NKAIN2: variants seen among roughly 807,000 people sequenced by gnomAD.
NKAIN2 encodes the protein sodium/potassium transporting ATPase interacting 2.
In NKAIN2, 14 loss-of-function variants were observed where a neutral mutation model predicts 32.6. The observed-to-expected ratio is 0.43, with a 90% CI of 0.28 to 0.67. NKAIN2 has a LOEUF of 0.67. NKAIN2 is among the 30% of genes least tolerant of loss of function. NKAIN2 has a pLI of 0.17. For synonymous variants in NKAIN2, 80 were observed against 87.2 expected (o/e 0.92, Z 0.46); for missense variants, 198 against 258.3 (o/e 0.77, Z 1.60).
chr6:123,988,200 T>C (rs760991194), intron 1 of NKAIN2, among the ~76,000 whole-genome samples: 36 of 152,330 alleles, frequency 2.4e-4, no homozygotes, highest in Admixed American at 7.2e-4. Flanking sequence ...ACCTTTTGCA[T>C]ATGACTTTTG....
intron 3 of NKAIN2, among the ~76,000 whole-genome samples, chr6:124,439,320 C>T (rs73578479): frequency 0.015 from 2,235 of 151,760 alleles, 52 homozygotes; most frequent in African/African-American, 0.05. Context: ...ATTTCACCTG[C>T]TAAATATCTC....
intron 3 of NKAIN2, among the ~76,000 whole-genome samples, chr6:124,414,427 A>G (rs567520976): frequency 2.6e-5 from 4 of 152,228 alleles, no homozygotes; most frequent in South Asian, 2.1e-4. Flanking sequence ...TAGAATTGCT[A>G]TATCTATGTT....
intron 1 of NKAIN2, among the ~76,000 whole-genome samples, chr6:124,208,925 G>T (rs1241656533): frequency 6.6e-6 from 1 of 150,864 alleles, no homozygotes; most frequent in Non-Finnish European, 1.5e-5. Context: ...AAGTACTTGG[G>T]GTATCCATCA....
At position 124,367,455 on chromosome 6, in the gene NKAIN2, A is replaced by T. The variant is rs78473429; in HGVS notation, c.273+12108A>T. Among the ~76,000 whole-genome samples, 59 of 152,262 alleles carry T rather than the reference A, an allele frequency of 3.9e-4. 1 individual carries two copies. The East Asian group carries it at 8.1e-3, about 21-fold the overall frequency. ...AATGAGGTCTACATCTCTCACGTCG[A>T]TTCCAGCACTCTGTGGTGGTAGCAA... is the stretch of plus-strand genomic sequence containing the variant. On this transcript the variant is annotated intron_variant, in intron 3 of 6. Transcript: ENST00000368417.
intron 1 of NKAIN2, among the ~76,000 whole-genome samples, chr6:123,905,271 T>A (rs922937006): frequency 2.0e-5 from 3 of 151,978 alleles, no homozygotes; most frequent in African/African-American, 7.3e-5. Flanking sequence ...CCAAGTGCTT[T>A]GGGGTTGACA....
intron 1 of NKAIN2, among the ~76,000 whole-genome samples, chr6:124,242,880 G>T (rs1270041101): frequency 6.7e-6 from 1 of 150,084 alleles, no homozygotes; most frequent in Non-Finnish European, 1.5e-5. Flanking sequence ...TCACACGGGG[G>T]CATGTCAGGG....
intron 1 of NKAIN2, among the ~76,000 whole-genome samples, chr6:124,167,705 T>G (rs1788631510): frequency 6.6e-6 from 1 of 152,204 alleles, no homozygotes; most frequent in South Asian, 2.1e-4. Context: ...CAGTACCTAA[T>G]TTATTGAGAG....
chr6:124,354,756 A>G (rs1414451728), intron 2 of NKAIN2, among the ~76,000 whole-genome samples: 2 of 151,660 alleles, frequency 1.3e-5, no homozygotes, highest in Admixed American at 1.3e-4. Context: ...TAAAACAATA[A>G]TGTGGATTAC....
chr6:124,491,333 G>GT (rs1777857398), intron 3 of NKAIN2, among the ~76,000 whole-genome samples: 1 of 151,772 alleles, frequency 6.6e-6, no homozygotes, highest in African/African-American at 2.4e-5. Flanking sequence ...TAAGTTCTTT[G>GT]TTTTGTCCTT....
In NKAIN2 at chr6:124,120,667, T is replaced by C. The variant is rs73566068; in HGVS notation, c.55-162338T>C. ...TTGGAAACATATGCTCTAAATTATA[T>C]CTAAATTAGATTGATCTTGGACCGT... On this transcript the variant is annotated intron_variant, in intron 1 of 6. Transcript: ENST00000368417. Among the ~76,000 whole-genome samples the C allele has an allele frequency of 5.0e-3, 761 of 152,282 alleles. 2 individuals are homozygous for C. The highest frequency in any genetic ancestry group is 0.017 in the African/African-American group (711 of 41,578).
chr6:124,390,935 A>C (rs1773115789), intron 3 of NKAIN2: 1 of 152,126 alleles, frequency 6.6e-6, no homozygotes, highest in Admixed American at 6.6e-5. Context: ...GAAAGAGAAA[A>C]AAAAAAGAGA....
At chr6:124,327,120 C>T (rs1486606855) in intron 2 of NKAIN2, among the ~76,000 whole-genome samples, 3 of 151,808 alleles carry the variant, frequency 2.0e-5, no homozygotes, top group Non-Finnish European at 4.4e-5. Flanking sequence ...GGTTTGGCCA[C>T]ACCCACCCAT....
chr6:124,287,325 TA>T (rs1287405069), intron 2 of NKAIN2, among the ~76,000 whole-genome samples: 2 of 152,206 alleles, frequency 1.3e-5, no homozygotes, highest in Non-Finnish European at 2.9e-5. Context: ...ACATTTTATT[TA>T]ATTGATCTTG....
intron 1 of NKAIN2, among the ~76,000 whole-genome samples, chr6:124,021,167 G>A (rs745908373): frequency 1.1e-4 from 17 of 151,834 alleles, no homozygotes; most frequent in Non-Finnish European, 2.1e-4. Flanking sequence ...TTCAACACAG[G>A]GAAGCATTAT....
chr6:124,698,561 G>T (rs1414494499), intron 4 of NKAIN2, among the ~76,000 whole-genome samples: 1 of 152,142 alleles, frequency 6.6e-6, no homozygotes. Context: ...AAGTAGGCAG[G>T]CAGTGTATCT....
At chr6:124,415,722 A>G (rs2114514763) in intron 3 of NKAIN2, among the ~76,000 whole-genome samples, 1 of 152,142 alleles carries the variant, frequency 6.6e-6, no homozygotes, top group Admixed American at 6.5e-5. Context: ...CCATCAGTCA[A>G]CTCATGAGCA....
At chr6:124,064,954 TTATCTA>T (rs1783098230) in intron 1 of NKAIN2, among the ~76,000 whole-genome samples, 1 of 152,088 alleles carries the variant, frequency 6.6e-6, no homozygotes, top group Non-Finnish European at 1.5e-5. Flanking sequence ...ATCTGGAGGT[TTATCTA>T]TATCTTCAAT....
At chr6:124,503,539 G>A (rs1457327476) in intron 3 of NKAIN2, among the ~76,000 whole-genome samples, 1 of 152,006 alleles carries the variant, frequency 6.6e-6, no homozygotes, top group Non-Finnish European at 1.5e-5. Flanking sequence ...AGTCTATATA[G>A]GTTAAATATT....
At chr6:124,707,285 C>A (rs1009792107) in intron 4 of NKAIN2, among the ~76,000 whole-genome samples, 3 of 152,154 alleles carry the variant, frequency 2.0e-5, no homozygotes, top group Admixed American at 6.5e-5. Context: ...ACTGTGAATA[C>A]TGCCGCAATA....
Sources: allele counts gnomAD v4.1 joint callset (sites outside exome capture counted in the v4.1 genomes callset), GRCh38; gene constraint gnomAD v4.1.1; transcripts MANE v1.5; gene names NCBI Gene and HGNC (gene_info 2026-07-23, HGNC 2026-07-21).